Variants in STING1 observed in about 807,000 individuals in gnomAD.
The protein encoded by STING1 is stimulator of interferon response cGAMP interactor 1.
In STING1, 19 loss-of-function variants were observed where a neutral mutation model predicts 31.6. That is an observed-to-expected ratio of 0.60 (90% confidence interval 0.42 to 0.88). STING1 has a LOEUF of 0.88. STING1 is among the 40% of genes least tolerant of loss of function. STING1 has a pLI of 0.00. For synonymous variants in STING1, 200 were observed against 208.6 expected, an observed-to-expected ratio of 0.96 and a Z score of 0.35; for missense variants, 371 against 483.7, an observed-to-expected ratio of 0.77 and a Z score of 2.19.
chr5:139,476,136 T>G lies in STING1; in HGVS notation c.*125A>C. ...AGACGCATCTTAAGATGTCAAGTCC[T>G]GGACCCTTCCCTGCAAGGCCCCCTG... is the stretch of plus-strand genomic sequence containing the variant. On this transcript the variant is annotated 3_prime_UTR_variant, in exon 8 of 8. Transcript: ENST00000330794. 1.3e-6 allele frequency: 1 copy of G among 748,906 alleles called. No individual in the cohort carries two copies. Among genetic ancestry groups the G allele is most frequent in the African/African-American group, 1.8e-5 (1 of 56,458 alleles). 46.4% of individuals were successfully genotyped at this position (748,906 alleles called of 1,614,324 possible).
At position 139,475,541 on chromosome 5, in the gene STING1, G is replaced by A. The variant is rs966158595; in HGVS notation, c.*720C>T. The A allele has an allele frequency of 3.3e-5, 5 of 152,246 alleles. No homozygotes were observed. The highest frequency in any genetic ancestry group is 7.3e-5 in the Non-Finnish European group (5 of 68,066). 9.4% of individuals were successfully genotyped at this position (152,246 alleles called of 1,614,324 possible). A position where few individuals can be genotyped will look rare whatever the true frequency, so the allele number is the denominator to read the frequency against. The stretch of plus-strand genomic sequence containing the variant: ...GACACACTCACATTGGGTAATCTGA[G>A]ATGTGCTTTAAAAAAGGACCGTTGA... On this transcript the variant is annotated 3_prime_UTR_variant, in exon 8 of 8. Coordinates refer to ENST00000330794, the MANE Select transcript of STING1 (RefSeq NM_198282.4).
Position 139,481,454 on chromosome 5 carries a change from T to A in STING1, c.227+24A>T. On this transcript the variant is annotated intron_variant, in intron 3 of 7. Coordinates refer to ENST00000330794, the MANE Select transcript of STING1 (RefSeq NM_198282.4). This position sits in a 1 kb window ranked among gnomAD's most constrained non-coding sequence, Gnocchi z 4.1. ...GGAGTGACACACGTTGGATACCCCG[T>A]CCCTGGGTACTGCAGTGAGTCACCT... is the stretch of plus-strand genomic sequence containing the variant. 6.2e-7 allele frequency: 1 copy of A among 1,608,128 alleles called. No homozygotes were observed. Among genetic ancestry groups the A allele is most frequent in the South Asian group, 1.1e-5 (1 of 90,786 alleles).
Position 139,478,403 on chromosome 5 carries a change from G to A in STING1, c.626C>T (p.Pro209Leu). ...YILLPLDCGV[P>L]DNLSMADPNI... ...GGGGTCAGCCATACTCAGGTTATCA[G>A]GCACCCCACAGTCCAATGGGAGGAG... The change falls in exon 6 of 8, where the codon CCT becomes CTT. Residue 209 changes from proline (P) to leucine (L), a missense_variant. Transcript: ENST00000330794. The A allele has an allele frequency of 6.2e-7, 1 of 1,614,172 alleles. No individual in the cohort carries two copies. Among genetic ancestry groups the A allele is most frequent in the Non-Finnish European group, 8.5e-7 (1 of 1,180,028 alleles).
Position 139,481,926 on chromosome 5 carries a change from A to T in STING1, c.1-222T>A. On this transcript the variant is annotated intron_variant, in intron 2 of 7. Coordinates refer to ENST00000330794, the MANE Select transcript of STING1 (RefSeq NM_198282.4). This position sits in a 1 kb window ranked among gnomAD's most constrained non-coding sequence, Gnocchi z 4.1. Reference sequence around the variant, plus strand: ...TGAAAACAGAGCAGGGCCTGCACATACACGCCCCACCAAGACCCAGGGAGA... The same window carrying T: ...TGAAAACAGAGCAGGGCCTGCACATTCACGCCCCACCAAGACCCAGGGAGA... The T allele has an allele frequency of 3.7e-6, 2 of 540,622 alleles. No individual in the cohort carries two copies. Among genetic ancestry groups the T allele is most frequent in the Non-Finnish European group, 3.3e-6 (1 of 302,960 alleles). The allele number at this position is 540,622 out of a possible 1,614,324, so 33.5% of individuals were successfully genotyped here.
At position 139,476,148 on chromosome 5, in the gene STING1, T is replaced by C; in HGVS notation, c.*113A>G. 1.2e-6 allele frequency: 1 copy of C among 853,062 alleles called. No individual in the cohort carries two copies. The highest frequency in any genetic ancestry group is 1.8e-6 in the Non-Finnish European group (1 of 552,470). 52.8% of individuals were successfully genotyped at this position (853,062 alleles called of 1,614,324 possible). A position where few individuals can be genotyped will look rare whatever the true frequency, so the allele number is the denominator to read the frequency against. On this transcript the variant is annotated 3_prime_UTR_variant, in exon 8 of 8. Coordinates refer to ENST00000330794, the MANE Select transcript of STING1 (RefSeq NM_198282.4). ...AGATGTCAAGTCCTGGACCCTTCCC[T>C]GCAAGGCCCCCTGTGGAAGGAAATA...
intron 6 of STING1, among the ~76,000 whole-genome samples, chr5:139,477,727 C>T (rs1359054596): frequency 2.0e-5 from 3 of 152,122 alleles, no homozygotes; most frequent in Non-Finnish European, 4.4e-5. Flanking sequence ...ATCAGGGACA[C>T]GGCTGGGCTA....
rs1371665728 is a variant in STING1, at chr5:139,481,845, C to T, written c.1-141G>A. On this transcript the variant is annotated intron_variant, in intron 2 of 7. Coordinates refer to ENST00000330794, the MANE Select transcript of STING1 (RefSeq NM_198282.4). The surrounding 1 kb of genome is among the most constrained non-coding windows in gnomAD (Gnocchi z 4.1). ...CCAGAGGCTGCTCTTAGAGACACCT[C>T]TAGGAGGCAGGCTGGGAATAAGTCA... 1 of 674,442 alleles carries T rather than the reference C, an allele frequency of 1.5e-6. No homozygotes were observed. Among genetic ancestry groups the T allele is most frequent in the Non-Finnish European group, 2.5e-6 (1 of 397,090 alleles). The allele number at this position is 674,442 out of a possible 1,614,324, so 41.8% of individuals were successfully genotyped here.
rs748298483 is a variant in STING1 at position 139,481,626 on chromosome 5, T to C, written c.79A>G (p.Ser27Gly). 6.2e-7 allele frequency: 1 copy of C among 1,613,130 alleles called. No individual in the cohort carries two copies. Among genetic ancestry groups the C allele is most frequent in the Admixed American group, 1.7e-5 (1 of 59,994 alleles). Residue 27 changes from serine (S) to glycine (G), a missense_variant, in exon 3 of 8, where the codon AGT becomes GGT. Physicochemically the swap from Ser to Gly is moderately conservative, Grantham distance 56. Transcript: ENST00000330794. The surrounding 1 kb of genome is among the most constrained non-coding windows in gnomAD (Gnocchi z 4.1). Reference protein sequence around the residue: ...GAQKAALVLLSACLVTLWGLG... With the variant: ...GAQKAALVLLGACLVTLWGLG... ...CCCCAAAGGGTCACCAGGCAGGCAC[T>C]CAGCAGAACCAAGGCTGCCTTCTGG...
At position 139,476,315 on chromosome 5, in the gene STING1, C is replaced by T; in HGVS notation, c.1086G>A (p.Glu362=). ...GCTTTTCCATTCCACTGATGAGGAGCTCAGGCTCTTGGGACATCGTGGAGG... is the reference window on the plus strand; with the variant it reads ...GCTTTTCCATTCCACTGATGAGGAGTTCAGGCTCTTGGGACATCGTGGAGG... ...PSTSTMSQEP[E]LLISGMEKPL... is the part of the protein sequence containing the mutation. The change falls in exon 8 of 8, where the codon GAG becomes GAA. Residue 362 remains glutamate, a synonymous_variant. Transcript: ENST00000330794. The T allele has an allele frequency of 3.1e-6, 5 of 1,610,988 alleles. No homozygotes were observed. Among genetic ancestry groups the T allele is most frequent in the Non-Finnish European group, 4.2e-6 (5 of 1,179,158 alleles).
At position 139,481,932 on chromosome 5, in the gene STING1, C is replaced by A; in HGVS notation, c.1-228G>T. ...CAGAGCAGGGCCTGCACATACACGC[C>A]CCACCAAGACCCAGGGAGACCACAG... On this transcript the variant is annotated intron_variant, in intron 2 of 7. Coordinates refer to ENST00000330794, the MANE Select transcript of STING1 (RefSeq NM_198282.4). The surrounding 1 kb of genome is among the most constrained non-coding windows in gnomAD (Gnocchi z 4.1). The A allele has an allele frequency of 1.9e-6, 1 of 527,322 alleles. No homozygotes were observed. The highest frequency in any genetic ancestry group is 3.3e-5 in the Admixed American group (1 of 30,446). The allele number at this position is 527,322 out of a possible 1,614,324, so 32.7% of individuals were successfully genotyped here. A position where few individuals can be genotyped will look rare whatever the true frequency, so the allele number is the denominator to read the frequency against.
chr5:139,481,791 G>T lies in STING1; in HGVS notation c.1-87C>A. Reference sequence around the variant, plus strand: ...GGCTCTGGCTGGGCACTTCCTCCCAGTTCCCCTTTCCCTGGTGCCCAGCCA... The same window carrying T: ...GGCTCTGGCTGGGCACTTCCTCCCATTTCCCCTTTCCCTGGTGCCCAGCCA... On this transcript the variant is annotated intron_variant, in intron 2 of 7. Transcript: ENST00000330794. The surrounding 1 kb of genome is among the most constrained non-coding windows in gnomAD (Gnocchi z 4.1). 2.6e-6 allele frequency: 3 copies of T among 1,155,020 alleles called. No homozygotes were observed. Among genetic ancestry groups the T allele is most frequent in the Non-Finnish European group, 2.5e-6 (2 of 811,396 alleles). The allele number at this position is 1,155,020 out of a possible 1,614,324, so 71.5% of individuals were successfully genotyped here.
intron 7 of STING1, 24 bp downstream of exon 7, chr5:139,477,304 AC>A (rs751792987): frequency 1.9e-6 from 3 of 1,609,452 alleles, no homozygotes; most frequent in Non-Finnish European, 2.5e-6. Context: ...CAGCCTATCA[AC>A]CCCTCACCCT....
chr5:139,476,340 G>T lies in STING1; in HGVS notation c.1061C>A (p.Thr354Asn), dbSNP rs1047355852. The change falls in exon 8 of 8, where the codon ACC (threonine) becomes AAC (asparagine). Residue 354 changes from threonine (T) to asparagine (N), a missense_variant. Coordinates refer to ENST00000330794, the MANE Select transcript of STING1 (RefSeq NM_198282.4). ...GSLKTSAVPS[T>N]STMSQEPELL... The stretch of plus-strand genomic sequence containing the variant: ...CTCAGGCTCTTGGGACATCGTGGAG[G>T]TACTGGGCACCGCTGAGGTCTTCAA... The T allele has an allele frequency of 2.5e-5, 40 of 1,612,418 alleles. No homozygotes were observed. The highest frequency in any genetic ancestry group is 3.1e-5 in the Non-Finnish European group (36 of 1,179,832).
In STING1 at chr5:139,476,076, G is replaced by C. The variant is rs1025277542; in HGVS notation, c.*185C>G. 5 of 564,334 alleles carry C rather than the reference G, an allele frequency of 8.9e-6. No individual in the cohort carries two copies. The East Asian group carries it at 1.4e-4, about 16-fold the overall frequency. The allele number at this position is 564,334 out of a possible 1,614,324, so 35.0% of individuals were successfully genotyped here. A position where few individuals can be genotyped will look rare whatever the true frequency, so the allele number is the denominator to read the frequency against. Reference sequence around the variant, plus strand: ...CATTTCACAGGTTGAAGACACCGAGGCTCAGAGAGGGGAAATGACTGGCCC... The same window carrying C: ...CATTTCACAGGTTGAAGACACCGAGCCTCAGAGAGGGGAAATGACTGGCCC... On this transcript the variant is annotated 3_prime_UTR_variant, in exon 8 of 8. Transcript: ENST00000330794.
rs1346797664 is a variant in STING1, at chr5:139,481,753, C to T, written c.1-49G>A. 6.8e-7 allele frequency: 1 copy of T among 1,473,884 alleles called. No individual in the cohort carries two copies. The highest frequency in any genetic ancestry group is 1.2e-5 in the South Asian group (1 of 80,942). The allele number at this position is 1,473,884 out of a possible 1,614,324, so 91.3% of individuals were successfully genotyped here. A position where few individuals can be genotyped will look rare whatever the true frequency, so the allele number is the denominator to read the frequency against. On this transcript the variant is annotated intron_variant, in intron 2 of 7. Coordinates refer to ENST00000330794, the MANE Select transcript of STING1 (RefSeq NM_198282.4). This position sits in a 1 kb window ranked among gnomAD's most constrained non-coding sequence, Gnocchi z 4.1. ...ACCATTCTCCCCTTGCCCTCCTGCC[C>T]TTCTGGGACTGAGGCTCTGGCTGGG...
Position 139,478,255 on chromosome 5 carries a change from C to T in STING1, c.759+15G>A, listed in dbSNP as rs1011753740. On this transcript the variant is annotated intron_variant, in intron 6 of 7. Coordinates refer to ENST00000330794, the MANE Select transcript of STING1 (RefSeq NM_198282.4). Reference sequence around the variant, plus strand: ...TGACCCCTCCTCAGAGACCCCCACTCCCCTGCACACTTACCCGCTGCCCGT... The same window carrying T: ...TGACCCCTCCTCAGAGACCCCCACTTCCCTGCACACTTACCCGCTGCCCGT... 3.1e-6 allele frequency: 5 copies of T among 1,599,904 alleles called. No homozygotes were observed. The highest frequency in any genetic ancestry group is 2.6e-6 in the Non-Finnish European group (3 of 1,169,684).
intron 6 of STING1, 28 bp downstream of exon 6, chr5:139,478,242 A>T: frequency 1.3e-6 from 2 of 1,561,598 alleles, no homozygotes; most frequent in South Asian, 2.3e-5. Flanking sequence ...ACCCCTCCTC[A>T]GAGACCCCCA....
intron 5 of STING1, 41 bp downstream of exon 5, chr5:139,480,749 G>C: frequency 7.6e-7 from 1 of 1,321,920 alleles, no homozygotes; most frequent in East Asian, 2.3e-5. Flanking sequence ...CTTAGTGTCT[G>C]TTTTGTAGAT....
rs553375471 is a variant in STING1, at chr5:139,482,675, C to G, written c.-219G>C. 1 of 152,290 alleles carries G rather than the reference C, an allele frequency of 6.6e-6. No individual in the cohort carries two copies. Among genetic ancestry groups the G allele is most frequent in the Non-Finnish European group, 1.5e-5 (1 of 68,070 alleles). 9.4% of individuals were successfully genotyped at this position (152,290 alleles called of 1,614,324 possible). On this transcript the variant is annotated 5_prime_UTR_variant, in exon 1 of 8. Coordinates refer to ENST00000330794, the MANE Select transcript of STING1 (RefSeq NM_198282.4). Reference sequence around the variant, plus strand: ...GCACACACATCACACGATGATTCCCCGTCTCATATTTTTCTTCTGGTTTCC... The same window carrying G: ...GCACACACATCACACGATGATTCCCGGTCTCATATTTTTCTTCTGGTTTCC...
Sources: allele counts gnomAD v4.1 joint callset (sites outside exome capture counted in the v4.1 genomes callset), GRCh38; gene constraint gnomAD v4.1.1; non-coding constraint Gnocchi (gnomAD v3.1); transcripts MANE v1.5; gene names NCBI Gene and HGNC (gene_info 2026-07-23, HGNC 2026-07-21).